The following CAMK2D variants were observed in gnomAD, a reference collection of about 807,000 sequenced individuals.
CAMK2D encodes calcium/calmodulin-dependent protein kinase type II subunit delta.
CAMK2D carries 37 observed loss-of-function variants against 84.0 expected under a neutral mutation model. The observed-to-expected ratio is 0.44, with a 90% CI of 0.34 to 0.58. CAMK2D has a LOEUF of 0.58. Ranked by LOEUF, CAMK2D falls within the 20% of genes least tolerant of loss-of-function variation. CAMK2D has a pLI of 0.02. For synonymous variants in CAMK2D, 202 were observed against 212.5 expected, an observed-to-expected ratio of 0.95 and a Z score of 0.43; for missense variants, 448 against 652.5, an observed-to-expected ratio of 0.69 and a Z score of 3.41.
intron 2 of CAMK2D, among the ~76,000 whole-genome samples, chr4:113,672,411 A>C (rs1314973877): frequency 6.6e-6 from 1 of 152,174 alleles, no homozygotes; most frequent in Non-Finnish European, 1.5e-5. Context: ...TTTTAAGGGA[A>C]AAAGTCCTTA....
rs376267514 is a variant in CAMK2D at position 113,694,802 on chromosome 4, T to C, written c.161-33030A>G. On this transcript the variant is annotated intron_variant, in intron 2 of 20. Transcript: ENST00000511664. ...CACAATTCAGTGCTATCATACATTG[T>C]GCTCTAATTGGTTTACTACGTGAGA... Among the ~76,000 whole-genome samples the C allele has an allele frequency of 1.8e-4, 27 of 152,332 alleles. No individual in the cohort carries two copies. The East Asian group carries it at 4.8e-3, about 27-fold the overall frequency.
rs112374805 is a variant in CAMK2D at position 113,503,809 on chromosome 4, C to G, written c.1045-832G>C. 2.2e-3 allele frequency among the ~76,000 whole-genome samples: 336 copies of G among 152,200 alleles called. 1 individual carries two copies. The highest frequency in any genetic ancestry group is 7.6e-3 in the African/African-American group (317 of 41,508). ...CAAGTGGAGAATAACATTCAAATAACTGATGTAAAAAAAGATTCAATATGC... is the reference window on the plus strand; with the variant it reads ...CAAGTGGAGAATAACATTCAAATAAGTGATGTAAAAAAAGATTCAATATGC... On this transcript the variant is annotated intron_variant, in intron 14 of 20. Transcript: ENST00000511664.
Position 113,481,032 on chromosome 4 carries a change from C to T in CAMK2D, c.1136-15428G>A, listed in dbSNP as rs183018372. On this transcript the variant is annotated intron_variant, in intron 16 of 20. Transcript: ENST00000511664. ...ATAAATTTCTACTATTTATAAATTACCCAGTCTGTGATATTTTGTTATAGC... is the reference window on the plus strand; with the variant it reads ...ATAAATTTCTACTATTTATAAATTATCCAGTCTGTGATATTTTGTTATAGC... Among the ~76,000 whole-genome samples, 11 of 152,264 alleles carry T rather than the reference C, an allele frequency of 7.2e-5. No homozygotes were observed. In the East Asian group the frequency reaches 1.9e-3, roughly 27 times the overall value.
At chr4:113,750,785 G>C (rs1015838618) in intron 2 of CAMK2D, among the ~76,000 whole-genome samples, 3 of 152,128 alleles carry the variant, frequency 2.0e-5, no homozygotes, top group Admixed American at 2.0e-4. Flanking sequence ...CTGAGATAGG[G>C]GGATTGCCTT....
In CAMK2D at chr4:113,546,466, A is replaced by T. The variant is rs571561551; in HGVS notation, c.414+1178T>A. ...ATTTAAAACTCTCAGAATTAAATGA[A>T]ATCAAAAGATTGCAGAAAACTAAGG... On this transcript the variant is annotated intron_variant, in intron 6 of 20. Coordinates refer to ENST00000511664, the MANE Select transcript of CAMK2D (RefSeq NM_001321571.2). Among the ~76,000 whole-genome samples, 221 of 152,362 alleles carry T rather than the reference A, an allele frequency of 1.5e-3. 5 individuals carry two copies. The highest frequency in any genetic ancestry group is 2.2e-3 in the Admixed American group (34 of 15,308).
At position 113,489,228 on chromosome 4, in the gene CAMK2D, C is replaced by T. The variant is rs112287560; in HGVS notation, c.1135+11235G>A. ...TATGTATACATGTGCCATGCTGGTG[C>T]GCTGCACCCACTAACTCGTCATCTA... On this transcript the variant is annotated intron_variant, in intron 16 of 20. Coordinates refer to ENST00000511664, the MANE Select transcript of CAMK2D (RefSeq NM_001321571.2). 5.3e-3 allele frequency among the ~76,000 whole-genome samples: 795 copies of T among 151,280 alleles called. 7 individuals are homozygous for T. Among genetic ancestry groups the T allele is most frequent in the African/African-American group, 0.018 (728 of 41,246 alleles).
chr4:113,472,687 G>A (rs2097560832), intron 16 of CAMK2D, among the ~76,000 whole-genome samples: 2 of 152,210 alleles, frequency 1.3e-5, no homozygotes, highest in Non-Finnish European at 2.9e-5. Flanking sequence ...ACCTGCAAAT[G>A]TGTCTTCACT....
intron 4 of CAMK2D, among the ~76,000 whole-genome samples, chr4:113,606,681 G>A (rs187527883): frequency 1.6e-3 from 238 of 152,122 alleles, no homozygotes; most frequent in African/African-American, 5.2e-3. Context: ...GTTCCAAAAG[G>A]AAGGGAGAAA....
At chr4:113,737,481 G>A (rs55954703) in intron 2 of CAMK2D, among the ~76,000 whole-genome samples, 6,450 of 152,100 alleles carry the variant, frequency 0.042, 258 homozygotes, top group African/African-American at 0.092. Context: ...CCAGGGACTC[G>A]GGGGAGAGAA....
At chr4:113,661,671 T>A (rs1199562289) in intron 3 of CAMK2D, 42 bp downstream of exon 3, 3 of 905,328 alleles carry the variant, frequency 3.3e-6, no homozygotes, top group Non-Finnish European at 5.0e-6. Context: ...TAACATAAAA[T>A]TTTAAATTAA....
chr4:113,611,047 AAC>A (rs141563975), intron 3 of CAMK2D, among the ~76,000 whole-genome samples: 46,099 of 148,312 alleles, frequency 0.31, 7,339 homozygotes, highest in African/African-American at 0.42. Context: ...ATATACACAT[AAC>A]ACACACACAC....
chr4:113,483,819 G>T (rs1042847183), intron 16 of CAMK2D, among the ~76,000 whole-genome samples: 1 of 152,088 alleles, frequency 6.6e-6, no homozygotes, highest in Admixed American at 6.5e-5. Context: ...AACAGTAAAA[G>T]GTCAAAATCA....
intron 16 of CAMK2D, among the ~76,000 whole-genome samples, chr4:113,483,229 TCA>T: frequency 6.6e-6 from 1 of 152,338 alleles, no homozygotes; most frequent in Non-Finnish European, 1.5e-5. Flanking sequence ...CTTTTCAGCC[TCA>T]GTCTATTTTA....
At chr4:113,755,117 A>G in intron 2 of CAMK2D, 1 of 980,526 alleles carries the variant, frequency 1.0e-6, no homozygotes, top group South Asian at 4.7e-5. Context: ...AAAGAAAAGT[A>G]GCAAGAATTA....
At chr4:113,670,406 T>G (rs1175515314) in intron 2 of CAMK2D, among the ~76,000 whole-genome samples, 1 of 152,190 alleles carries the variant, frequency 6.6e-6, no homozygotes, top group Admixed American at 6.5e-5. Context: ...TATTAGTTGG[T>G]GCATGTTAAG....
chr4:113,565,787 G>A (rs1054438902), intron 4 of CAMK2D, among the ~76,000 whole-genome samples: 2 of 152,052 alleles, frequency 1.3e-5, no homozygotes, highest in Admixed American at 1.3e-4. Context: ...TCACTTTTGG[G>A]AATGTTGAAA....
chr4:113,623,769 T>G (rs941719266), intron 3 of CAMK2D, among the ~76,000 whole-genome samples: 1 of 151,686 alleles, frequency 6.6e-6, no homozygotes, highest in Non-Finnish European at 1.5e-5. Flanking sequence ...TGTGTTATGT[T>G]TTAATTAGTA....
intron 19 of CAMK2D, 183 bp downstream of exon 19, chr4:113,457,152 A>T (rs2097312590): frequency 7.0e-7 from 1 of 1,428,530 alleles, no homozygotes; most frequent in South Asian, 1.5e-5. Context: ...TCAACCCACA[A>T]ATGGCTGATC....
intron 2 of CAMK2D, among the ~76,000 whole-genome samples, chr4:113,698,773 G>GTTTACAGAGTGTGATCCAA (rs2099410190): frequency 6.6e-6 from 1 of 152,050 alleles, no homozygotes; most frequent in South Asian, 2.1e-4. Flanking sequence ...TTGCAGAACA[G>GTTTACAGAGTGTGATCCAA]TTTACAGAGT....
Sources: gnomAD v4.1 joint callset for allele counts (sites outside exome capture counted in the v4.1 genomes callset) on GRCh38, gnomAD v4.1.1 for gene constraint, MANE v1.5 for transcripts, NCBI Gene and HGNC (gene_info 2026-07-23, HGNC 2026-07-21) for gene names.